Variants in GVQW3 observed in about 807,000 individuals in gnomAD.
GVQW3 encodes the protein protein GVQW3.
A neutral mutation model predicts 12.5 loss-of-function variants in GVQW3; 7 were observed. That is an observed-to-expected ratio of 0.56 (90% CI 0.32 to 1.05). The LOEUF (loss-of-function observed/expected upper bound fraction) is 1.05, where lower values mean the gene tolerates loss of function less well. GVQW3 is among the 50% of genes least tolerant of loss of function. The pLI is 0.04. For missense variants in GVQW3, 188 were observed against 190.8 expected, an observed-to-expected ratio of 0.99 and a Z score of 0.09; for synonymous variants, 71 against 67.2, an observed-to-expected ratio of 1.06 and a Z score of -0.28.
At chr11:76,391,180 A>G (rs1590818177) in intron 1 of GVQW3, among the ~76,000 whole-genome samples, 1 of 152,204 alleles carries the variant, frequency 6.6e-6, no homozygotes, top group Admixed American at 6.5e-5. Flanking sequence ...GAATTCTTAC[A>G]GTGGTGTTTT....
At chr11:76,387,675 C>T (rs1047760408) in intron 1 of GVQW3, among the ~76,000 whole-genome samples, 2 of 152,116 alleles carry the variant, frequency 1.3e-5, no homozygotes, top group African/African-American at 2.4e-5. Context: ...AATCCTAGCA[C>T]TTTGGGAGGC....
intron 1 of GVQW3, among the ~76,000 whole-genome samples, chr11:76,393,550 C>T (rs376805532): frequency 1.6e-4 from 24 of 152,220 alleles, no homozygotes; most frequent in Middle Eastern, 6.8e-3. Context: ...AATCATGCCC[C>T]ACTTTGTGCC....
At chr11:76,411,410 T>C (rs528030061), downstream of GVQW3, 2 of 152,200 alleles carry the variant, frequency 1.3e-5, no homozygotes, top group Non-Finnish European at 2.9e-5. Flanking sequence ...TGACCCAATT[T>C]AAACTTCTAG....
At chr11:76,393,888 G>GTTATTATTATTA (rs35323169) in intron 1 of GVQW3, among the ~76,000 whole-genome samples, 2 of 150,530 alleles carry the variant, frequency 1.3e-5, no homozygotes, top group African/African-American at 4.9e-5. Flanking sequence ...TATACTCTTA[G>GTTATTATTATTA]TTATTATTAT....
chr11:76,401,602 G>A (rs1010401258), intron 1 of GVQW3, among the ~76,000 whole-genome samples: 102 of 151,798 alleles, frequency 6.7e-4, no homozygotes, highest in East Asian at 5.4e-3. Context: ...GTGAAACCTC[G>A]TCTCTACTAA....
In GVQW3 at chr11:76,405,790, A is replaced by G. The variant is rs1306311791; in HGVS notation, c.*2032A>G. 6.6e-6 allele frequency: 1 copy of G among 152,338 alleles called. No individual in the cohort carries two copies. Among genetic ancestry groups the G allele is most frequent in the East Asian group, 1.9e-4 (1 of 5,208 alleles). 9.4% of individuals were successfully genotyped at this position (152,338 alleles called of 1,614,324 possible). ...TGCCTCAGCCTTCCAAGTAGCTAGG[A>G]CAACAGGTGCGTGCTACCATGCATG... is the stretch of plus-strand genomic sequence containing the variant. On this transcript the variant is annotated 3_prime_UTR_variant, in exon 2 of 2. Transcript: ENST00000529331.
intron 1 of GVQW3, among the ~76,000 whole-genome samples, chr11:76,388,489 A>G (rs1360791261): frequency 1.3e-5 from 2 of 152,114 alleles, no homozygotes; most frequent in Admixed American, 6.6e-5. Flanking sequence ...CCAGTCAGTC[A>G]TGTTTCCTAT....
At chr11:76,402,639 T>C (rs1358354651) in intron 1 of GVQW3, among the ~76,000 whole-genome samples, 1 of 152,200 alleles carries the variant, frequency 6.6e-6, no homozygotes, top group African/African-American at 2.4e-5. Flanking sequence ...CCATCTTCAT[T>C]AGTGTAGCTG....
chr11:76,413,743 ATATT>A (rs1947097428), exon 2 of GVQW3: 1 of 152,094 alleles, frequency 6.6e-6, no homozygotes, highest in African/African-American at 2.4e-5. Flanking sequence ...ACCAGTCTGC[ATATT>A]TATTATTCAC....
intron 1 of GVQW3, among the ~76,000 whole-genome samples, chr11:76,393,299 G>A (rs1245322767): frequency 6.6e-6 from 1 of 152,224 alleles, no homozygotes; most frequent in East Asian, 1.9e-4. Flanking sequence ...GGGATGGGCA[G>A]TATCTACCAC....
rs762710233 is a variant in GVQW3 at position 76,382,300 on chromosome 11, G to A, written c.465+7G>A. 6.7e-6 allele frequency: 10 copies of A among 1,487,526 alleles called. No individual in the cohort carries two copies. In the South Asian group the frequency reaches 1.2e-4, roughly 18 times the overall value. 92.1% of individuals were successfully genotyped at this position (1,487,526 alleles called of 1,614,324 possible). ...CTCATGTTTGAGGAAAAAGGTAACAGGTTCTGAAACATGGAGTTATCTCCA... is the reference window on the plus strand; with the variant it reads ...CTCATGTTTGAGGAAAAAGGTAACAAGTTCTGAAACATGGAGTTATCTCCA... On this transcript the variant is annotated splice_region_variant and intron_variant, in intron 1 of 1. Coordinates refer to ENST00000529331, the MANE Select transcript of GVQW3 (RefSeq NM_001347885.2).
intron 1 of GVQW3, among the ~76,000 whole-genome samples, chr11:76,398,188 T>G (rs939678937): frequency 6.6e-6 from 1 of 151,994 alleles, no homozygotes; most frequent in Non-Finnish European, 1.5e-5. Context: ...CAACCAATTC[T>G]CAAAATTCCT....
chr11:76,391,752 G>A (rs866299707), intron 1 of GVQW3, among the ~76,000 whole-genome samples: 58 of 152,168 alleles, frequency 3.8e-4, no homozygotes, highest in African/African-American at 1.3e-3. Flanking sequence ...TAAGGAGTTC[G>A]AGACCAACCT....
chr11:76,396,225 A>T (rs1384286107), intron 1 of GVQW3, among the ~76,000 whole-genome samples: 1 of 152,084 alleles, frequency 6.6e-6, no homozygotes, highest in Non-Finnish European at 1.5e-5. Context: ...AAAGCTGTCA[A>T]TATTGCATTA....
intron 1 of GVQW3, among the ~76,000 whole-genome samples, chr11:76,399,133 T>G (rs562758292): frequency 7.8e-4 from 119 of 151,830 alleles, no homozygotes; most frequent in African/African-American, 2.8e-3. Context: ...TTATTTCATT[T>G]TATTTTATTT....
chr11:76,381,987 A>C lies in GVQW3; in HGVS notation c.159A>C (p.Gly53=), dbSNP rs762943729. ...VFDWHKRFKE[G]REDVRDDARS... ...ACTGGCACAAAAGGTTTAAAGAAGG[A>C]CGGGAAGATGTTCGAGATGATGCCC... Residue 53 remains glycine, a synonymous_variant, in exon 1 of 2, where the codon GGA becomes GGC. Transcript: ENST00000529331. 2.6e-6 allele frequency: 4 copies of C among 1,536,420 alleles called. No individual in the cohort carries two copies. In the South Asian group the frequency reaches 4.8e-5, roughly 18 times the overall value.
chr11:76,413,244 C>T (rs1947093679), exon 2 of GVQW3: 1 of 152,106 alleles, frequency 6.6e-6, no homozygotes, highest in Non-Finnish European at 1.5e-5. Flanking sequence ...TCATACAAGG[C>T]TACTTATTGC....
At chr11:76,393,711 A>AT (rs1034546205) in intron 1 of GVQW3, among the ~76,000 whole-genome samples, 267 of 147,226 alleles carry the variant, frequency 1.8e-3, no homozygotes, top group African/African-American at 5.6e-3. Context: ...ACATTCTTTA[A>AT]TTTTTTTTTT....
At chr11:76,389,924 G>A in intron 1 of GVQW3, 1 of 152,160 alleles carries the variant, frequency 6.6e-6, no homozygotes, top group East Asian at 1.9e-4. Flanking sequence ...TCTTAATGTT[G>A]TAACTTACCA....
Sources: gnomAD v4.1 joint callset for allele counts (sites outside exome capture counted in the v4.1 genomes callset) on GRCh38, gnomAD v4.1.1 for gene constraint, MANE v1.5 for transcripts, NCBI Gene and HGNC (gene_info 2026-07-23, HGNC 2026-07-21) for gene names.